The following MPZL1 variants were observed in gnomAD, a reference collection of about 807,000 sequenced individuals.
MPZL1 encodes myelin protein zero like 1, also known as myelin protein zero-like protein 1.
A neutral mutation model predicts 29.3 loss-of-function variants in MPZL1; 16 were observed. That is an observed-to-expected ratio of 0.55 (90% CI 0.37 to 0.83). The LOEUF is 0.83. MPZL1 is among the 40% of genes least tolerant of loss of function. The pLI is 0.00. For synonymous variants in MPZL1, 143 were observed against 132.0 expected, an observed-to-expected ratio of 1.08 and a Z score of -0.57; for missense variants, 279 against 332.9, an observed-to-expected ratio of 0.84 and a Z score of 1.26.
chr1:167,724,986 A>G (rs1660111836), intron 1 of MPZL1, among the ~76,000 whole-genome samples: 1 of 152,222 alleles, frequency 6.6e-6, no homozygotes, highest in African/African-American at 2.4e-5. Flanking sequence ...ATGAAGAGAG[A>G]TAAAATGTGA....
intron 5 of MPZL1, among the ~76,000 whole-genome samples, chr1:167,777,336 T>C (rs1196911495): frequency 1.3e-5 from 2 of 152,208 alleles, no homozygotes; most frequent in Non-Finnish European, 2.9e-5. Flanking sequence ...AACTGTGGTT[T>C]TCAAGACAGT....
chr1:167,749,285 A>G (rs1660710102), intron 1 of MPZL1, among the ~76,000 whole-genome samples: 2 of 152,212 alleles, frequency 1.3e-5, no homozygotes. Context: ...TCAGTTTCAG[A>G]TGACTTAATG....
chr1:167,750,684 C>G (rs990742834), intron 1 of MPZL1, among the ~76,000 whole-genome samples: 2 of 152,030 alleles, frequency 1.3e-5, no homozygotes, highest in African/African-American at 4.8e-5. Context: ...TGTTATATAA[C>G]CACAGTGTAA....
chr1:167,735,003 C>A (rs1403105590), intron 1 of MPZL1, among the ~76,000 whole-genome samples: 2 of 152,174 alleles, frequency 1.3e-5, no homozygotes, highest in African/African-American at 4.8e-5. Context: ...GAGTCATTTG[C>A]AGAATAAGAT....
chr1:167,739,266 C>CATATATACATATATACATATATATATAT, intron 1 of MPZL1, among the ~76,000 whole-genome samples: 1 of 97,176 alleles, frequency 1.0e-5, no homozygotes, highest in Middle Eastern at 4.4e-3. Flanking sequence ...CATACACATA[C>CATATATACATATATACATATATATATAT]ATATATACAT....
intron 1 of MPZL1, among the ~76,000 whole-genome samples, chr1:167,761,496 T>C (rs1660987507): frequency 6.6e-6 from 1 of 152,036 alleles, no homozygotes; most frequent in Non-Finnish European, 1.5e-5. Context: ...GGTGGGTAGC[T>C]ATGGTGTCTG....
chr1:167,771,200 C>T (rs188613062), intron 2 of MPZL1, among the ~76,000 whole-genome samples: 1 of 151,868 alleles, frequency 6.6e-6, no homozygotes, highest in Non-Finnish European at 1.5e-5. Context: ...TGACTCTTAA[C>T]GAGTATGCTG....
intron 1 of MPZL1, among the ~76,000 whole-genome samples, chr1:167,738,750 T>C (rs905680974): frequency 4.6e-5 from 7 of 152,132 alleles, no homozygotes; most frequent in Non-Finnish European, 4.4e-5. Context: ...ATGTAAGACA[T>C]GCCTGCTCCC....
At chr1:167,730,936 C>T (rs1277969061) in intron 1 of MPZL1, among the ~76,000 whole-genome samples, 2 of 152,216 alleles carry the variant, frequency 1.3e-5, no homozygotes, top group Non-Finnish European at 2.9e-5. Flanking sequence ...AGGTCTAGCA[C>T]TTGTCTGTTA....
intron 2 of MPZL1, among the ~76,000 whole-genome samples, chr1:167,771,528 C>A (rs773174556): frequency 1.3e-5 from 2 of 152,166 alleles, no homozygotes; most frequent in Admixed American, 6.5e-5. Flanking sequence ...GTTGGGTACA[C>A]GTGCAGAAAG....
chr1:167,772,234 C>T (rs765903183), intron 2 of MPZL1, 41 bp from the exon 3 acceptor site: 1 of 1,502,404 alleles, frequency 6.7e-7, no homozygotes, highest in Non-Finnish European at 9.2e-7. Context: ...AGGAATTCTG[C>T]CTTTGAGAAT....
At chr1:167,738,162 G>A (rs1250960962) in intron 1 of MPZL1, among the ~76,000 whole-genome samples, 1 of 152,066 alleles carries the variant, frequency 6.6e-6, no homozygotes, top group African/African-American at 2.4e-5. Flanking sequence ...CTGACCTCGT[G>A]ATCCGCCCGC....
In MPZL1 at chr1:167,790,215, G is replaced by A. The variant is rs1272692213; in HGVS notation, c.*2294G>A. 1 of 152,478 alleles carries A rather than the reference G, an allele frequency of 6.6e-6. No homozygotes were observed. The highest frequency in any genetic ancestry group is 1.5e-5 in the Non-Finnish European group (1 of 68,118). The allele number at this position is 152,478 out of a possible 1,614,324, so 9.4% of individuals were successfully genotyped here. Reference sequence around the variant, plus strand: ...GGTGCCGGGACCATGTGTTGGTGAAGCTGGTGCTGTGGGGGCCACTCACTC... The same window carrying A: ...GGTGCCGGGACCATGTGTTGGTGAAACTGGTGCTGTGGGGGCCACTCACTC... On this transcript the variant is annotated 3_prime_UTR_variant, in exon 6 of 6. Transcript: ENST00000359523.
intron 1 of MPZL1, among the ~76,000 whole-genome samples, chr1:167,758,206 A>G (rs565063012): frequency 2.6e-5 from 4 of 152,006 alleles, no homozygotes; most frequent in Admixed American, 1.3e-4. Context: ...CTATAAATGG[A>G]CCCAGTAGTA....
At chr1:167,775,156 A>G (rs1661339164) in intron 4 of MPZL1, among the ~76,000 whole-genome samples, 1 of 152,176 alleles carries the variant, frequency 6.6e-6, no homozygotes, top group African/African-American at 2.4e-5. Flanking sequence ...AATATTTAAG[A>G]TCCTGACTGA....
rs201705663 is a variant in MPZL1 at position 167,765,707 on chromosome 1, C to T, written c.216C>T (p.Val72=). The change falls in exon 2 of 6, where the codon GTC becomes GTT. Residue 72 remains valine, a synonymous_variant. Transcript: ENST00000359523. ...STSTTGGLTS[V]SWSFQPEGAD... is the part of the protein sequence containing the mutation. ...GTACGACTGGCGGGTTGACCTCAGT[C>T]TCCTGGAGCTTCCAGCCAGAGGGGG... 159 of 1,612,188 alleles carry T rather than the reference C, an allele frequency of 9.9e-5. 1 individual carries two copies. The Admixed American group carries it at 2.6e-3, about 26-fold the overall frequency.
At chr1:167,751,702 G>A (rs1054667589) in intron 1 of MPZL1, among the ~76,000 whole-genome samples, 46 of 150,950 alleles carry the variant, frequency 3.0e-4, no homozygotes, top group Admixed American at 1.5e-3. Context: ...GAAATTAAAT[G>A]TATGCAATAC....
intron 5 of MPZL1, among the ~76,000 whole-genome samples, chr1:167,782,778 G>A (rs1469393712): frequency 6.6e-6 from 1 of 152,148 alleles, no homozygotes; most frequent in Non-Finnish European, 1.5e-5. Context: ...AGGCAGAAGG[G>A]TAAGCATCGG....
chr1:167,738,251 C>A (rs999179404), intron 1 of MPZL1, among the ~76,000 whole-genome samples: 5 of 151,908 alleles, frequency 3.3e-5, no homozygotes, highest in Non-Finnish European at 7.4e-5. Context: ...AATTCATTAC[C>A]TTTTTTTGAT....
Sources: gnomAD v4.1 joint callset for allele counts (sites outside exome capture counted in the v4.1 genomes callset) on GRCh38, gnomAD v4.1.1 for gene constraint, MANE v1.5 for transcripts, NCBI Gene and HGNC (gene_info 2026-07-23, HGNC 2026-07-21) for gene names.